Variants in CHRM1 observed in about 807,000 individuals in gnomAD.
CHRM1 encodes muscarinic acetylcholine receptor M1.
A neutral mutation model predicts 31.6 loss-of-function variants in CHRM1; 5 were observed. The ratio of observed to expected loss-of-function variants is 0.16; its 90% CI spans 0.08 to 0.33. The LOEUF (loss-of-function observed/expected upper bound fraction) is 0.33, where lower values mean the gene tolerates loss of function less well. CHRM1 is among the 10% of genes least tolerant of loss of function. The pLI is 1.00. For missense variants in CHRM1, 338 were observed against 610.3 expected (o/e 0.55, Z 4.70); for synonymous variants, 227 against 249.7 (o/e 0.91, Z 0.86).
At chr11:62,914,950 G>A (rs773995805) in intron 1 of CHRM1, among the ~76,000 whole-genome samples, 7 of 152,148 alleles carry the variant, frequency 4.6e-5, no homozygotes, top group South Asian at 2.1e-4. Context: ...TGAGGCAGAC[G>A]GATCACATGA....
rs1435808755 is a variant in CHRM1 at position 62,910,341 on chromosome 11, T to G, written c.760A>C (p.Thr254Pro). ...SQPGAEGSPE[T>P]PPGRCCRCCR... ...CAGCGACAGCAGCGGCCTGGAGGAG[T>G]CTCTGGTGAGCCCTCAGCCCCTGGC... The change falls in exon 2 of 2, where the codon ACT (threonine) becomes CCT (proline). Residue 254 changes from threonine to proline, a missense_variant. Around this residue, in one of 4 missense-constraint regions of CHRM1, gnomAD observed 183 missense variants for 223.4 expected, o/e 0.82. Coordinates refer to ENST00000306960, the MANE Select transcript of CHRM1 (RefSeq NM_000738.3). This position sits in a 1 kb window ranked among gnomAD's most constrained non-coding sequence, Gnocchi z 8.7. The G allele has an allele frequency of 6.2e-7, 1 of 1,608,970 alleles. No individual in the cohort carries two copies. The highest frequency in any genetic ancestry group is 1.3e-5 in the African/African-American group (1 of 74,758).
At chr11:62,913,467 T>G (rs1409393108) in intron 1 of CHRM1, among the ~76,000 whole-genome samples, 1 of 151,284 alleles carries the variant, frequency 6.6e-6, no homozygotes, top group Admixed American at 6.6e-5. Context: ...AGGTCGGGAG[T>G]TCAAGACTAG....
In CHRM1 at chr11:62,910,434, C is replaced by T. The variant is rs1164511420; in HGVS notation, c.667G>A (p.Ala223Thr). The change falls in exon 2 of 2, where the codon GCA becomes ACA. Residue 223 changes from alanine (A) to threonine (T), a missense_variant. Ala to Thr is a moderately conservative substitution (Grantham distance 58). Coordinates refer to ENST00000306960, the MANE Select transcript of CHRM1 (RefSeq NM_000738.3). The surrounding 1 kb of genome is among the most constrained non-coding windows in gnomAD (Gnocchi z 8.7). ...RETENRAREL[A>T]ALQGSETPGK... ...GGCGTCTCGGAGCCCTGAAGGGCTG[C>T]CAGCTCCCGTGCTCGGTTCTCTGTC... 1 of 1,613,490 alleles carries T rather than the reference C, an allele frequency of 6.2e-7. No individual in the cohort carries two copies. Among genetic ancestry groups the T allele is most frequent in the Non-Finnish European group, 8.5e-7 (1 of 1,180,032 alleles).
In CHRM1 at chr11:62,910,691, C is replaced by T. The variant is rs2085866239; in HGVS notation, c.410G>A (p.Arg137His). 2 of 1,614,100 alleles carry T rather than the reference C, an allele frequency of 1.2e-6. No individual in the cohort carries two copies. The highest frequency in any genetic ancestry group is 1.7e-6 in the Non-Finnish European group (2 of 1,180,024). Reference sequence around the variant, plus strand: ...CATCAGAGCTGCCCGGCGGGGTGTGCGCTTGGCACGGTAGCTCAGGGGCCG... The same window carrying T: ...CATCAGAGCTGCCCGGCGGGGTGTGTGCTTGGCACGGTAGCTCAGGGGCCG... ...VTRPLSYRAK[R>H]TPRRAALMIG... Residue 137 changes from arginine to histidine, a missense_variant, in exon 2 of 2, where the codon CGC becomes CAC. Around this residue, in one of 4 missense-constraint regions of CHRM1, gnomAD observed 85 missense variants for 257.7 expected, o/e 0.33. Coordinates refer to ENST00000306960, the MANE Select transcript of CHRM1 (RefSeq NM_000738.3). The surrounding 1 kb of genome is among the most constrained non-coding windows in gnomAD (Gnocchi z 8.7).
chr11:62,918,849 C>T (rs537371407), intron 1 of CHRM1, among the ~76,000 whole-genome samples: 2 of 152,176 alleles, frequency 1.3e-5, no homozygotes, highest in Non-Finnish European at 2.9e-5. Context: ...GAGAGGGATT[C>T]CTGAACACCA....
chr11:62,911,862 G>C (rs577021953), intron 1 of CHRM1, among the ~76,000 whole-genome samples: 5 of 152,320 alleles, frequency 3.3e-5, no homozygotes, highest in African/African-American at 9.6e-5. Context: ...AGGAGAGATG[G>C]GAAGAAAGGG....
Position 62,909,575 on chromosome 11 carries a change from TG to T in CHRM1, c.*142del. 2 of 1,019,732 alleles carry T rather than the reference TG, an allele frequency of 2.0e-6. No homozygotes were observed. The highest frequency in any genetic ancestry group is 2.9e-6 in the Non-Finnish European group (2 of 699,998). 63.2% of individuals were successfully genotyped at this position (1,019,732 alleles called of 1,614,324 possible). On this transcript the variant is annotated 3_prime_UTR_variant, in exon 2 of 2. Transcript: ENST00000306960. ...GTCTGGAAAGTTGGCAGGGTCTCTC[TG>T]GGCTGCCCAGGAAGGTGACCCAGGG...
intron 1 of CHRM1, among the ~76,000 whole-genome samples, chr11:62,912,391 AG>A (rs2085876346): frequency 2.0e-5 from 3 of 150,296 alleles, no homozygotes; most frequent in African/African-American, 4.9e-5. Context: ...AAAAACCAAA[AG>A]GAAAAAAAAA....
Position 62,910,873 on chromosome 11 carries a change from G to C in CHRM1, c.228C>G (p.Thr76=). ...ACGTGGTATAGAGGTTCATGGAGAA[G>C]GTACCGATGATGAGGTCAGCACAGG... ...SLACADLIIG[T]FSMNLYTTYL... Residue 76 remains threonine, a synonymous_variant, in exon 2 of 2, where the codon ACC becomes ACG. Coordinates refer to ENST00000306960, the MANE Select transcript of CHRM1 (RefSeq NM_000738.3). The surrounding 1 kb of genome is among the most constrained non-coding windows in gnomAD (Gnocchi z 8.7). The C allele has an allele frequency of 1.2e-6, 2 of 1,614,170 alleles. No individual in the cohort carries two copies.
intron 1 of CHRM1, chr11:62,917,974 C>A (rs565698142): frequency 6.6e-6 from 1 of 152,306 alleles, no homozygotes; most frequent in East Asian, 1.9e-4. Context: ...GCTTCAAGAC[C>A]TGAAGGACCT....
chr11:62,920,581 T>G (rs563156869), intron 1 of CHRM1: 10 of 152,216 alleles, frequency 6.6e-5, no homozygotes, highest in Non-Finnish European at 1.3e-4. Flanking sequence ...CCACCTTCCC[T>G]GGCTAGTGTG....
rs192913399 is a variant in CHRM1 at position 62,920,076 on chromosome 11, G to A, written c.-79+1142C>T. ...TCCTTCCCTTTCATATCTCAGCCGC[G>A]ATAGCGACTGCAGCTTGCCTGGTGG... On this transcript the variant is annotated intron_variant, in intron 1 of 1. Transcript: ENST00000306960. Among the ~76,000 whole-genome samples the A allele has an allele frequency of 3.3e-5, 5 of 152,266 alleles. No individual in the cohort carries two copies. The East Asian group carries it at 9.7e-4, about 29-fold the overall frequency.
At chr11:62,919,088 G>A (rs539497694) in intron 1 of CHRM1, among the ~76,000 whole-genome samples, 1 of 152,020 alleles carries the variant, frequency 6.6e-6, no homozygotes, top group Non-Finnish European at 1.5e-5. Context: ...TGAGGAGGGC[G>A]CTCCTTCTGG....
intron 1 of CHRM1, among the ~76,000 whole-genome samples, chr11:62,917,396 A>G (rs568574732): frequency 6.6e-5 from 10 of 152,324 alleles, no homozygotes; most frequent in Admixed American, 4.6e-4. Flanking sequence ...TGGGGCTCAC[A>G]TATGCAGTGA....
At chr11:62,919,173 G>A (rs1056077270) in intron 1 of CHRM1, among the ~76,000 whole-genome samples, 4 of 152,072 alleles carry the variant, frequency 2.6e-5, no homozygotes, top group Non-Finnish European at 5.9e-5. Context: ...CTCTCCCCTC[G>A]GGGTTAACTT....
chr11:62,916,350 T>G (rs2085900338), intron 1 of CHRM1, among the ~76,000 whole-genome samples: 1 of 152,188 alleles, frequency 6.6e-6, no homozygotes, highest in African/African-American at 2.4e-5. Context: ...ACTTACATTA[T>G]CTCACTTGGG....
chr11:62,920,081 C>T (rs898198446), intron 1 of CHRM1, among the ~76,000 whole-genome samples: 12 of 152,186 alleles, frequency 7.9e-5, no homozygotes, highest in Admixed American at 7.2e-4. Flanking sequence ...GCCGCGATAG[C>T]GACTGCAGCT....
intron 1 of CHRM1, among the ~76,000 whole-genome samples, chr11:62,915,048 A>G (rs915468596): frequency 1.3e-5 from 2 of 151,914 alleles, no homozygotes; most frequent in African/African-American, 4.8e-5. Flanking sequence ...GGTGGCGGGC[A>G]CCTATGGTCC....
intron 1 of CHRM1, among the ~76,000 whole-genome samples, chr11:62,919,198 C>T (rs894155622): frequency 6.6e-6 from 1 of 152,170 alleles, no homozygotes; most frequent in Admixed American, 6.5e-5. Context: ...TTGACAGCAG[C>T]TCTTGACCCA....
Sources: gnomAD v4.1 joint callset for allele counts (sites outside exome capture counted in the v4.1 genomes callset) on GRCh38, gnomAD v4.1.1 for gene constraint, gnomAD v4.1.1 regional missense constraint, Gnocchi (gnomAD v3.1) non-coding constraint, MANE v1.5 for transcripts, NCBI Gene and HGNC (gene_info 2026-07-23, HGNC 2026-07-21) for gene names.